The following HAX1 variants were observed in gnomAD, a reference collection of about 807,000 sequenced individuals.
The protein encoded by HAX1 is HCLS1-associated protein X-1.
HAX1 carries 27 observed loss-of-function variants against 31.1 expected under a neutral mutation model. That is an observed-to-expected ratio of 0.87 (90% CI 0.64 to 1.20). HAX1 has a LOEUF of 1.20. HAX1 is among the 50% of genes most tolerant of loss of function. The pLI, the probability that HAX1 is intolerant of heterozygous loss-of-function variation, is 0.00. For missense variants in HAX1, 357 were observed against 361.6 expected (o/e 0.99, Z 0.10); for synonymous variants, 114 against 124.1 (o/e 0.92, Z 0.54).
In HAX1 at chr1:154,275,383, C is replaced by T. The variant is rs369087332; in HGVS notation, c.664-10C>T. The T allele has an allele frequency of 2.5e-6, 4 of 1,612,834 alleles. No individual in the cohort carries two copies. In the African/African-American group the frequency reaches 5.3e-5, roughly 22 times the overall value. On this transcript the variant is annotated splice_polypyrimidine_tract_variant and intron_variant, in intron 5 of 6. Coordinates refer to ENST00000328703, the MANE Select transcript of HAX1 (RefSeq NM_006118.4). Reference sequence around the variant, plus strand: ...AACATTCGGAATATGGTGGGGACTTCTCTTTGTAGATAGTGGAGGAGCGCC... The same window carrying T: ...AACATTCGGAATATGGTGGGGACTTTTCTTTGTAGATAGTGGAGGAGCGCC...
rs1684904805 is a variant in HAX1, at chr1:154,275,153, G to C, written c.557-1G>C. 6.2e-7 allele frequency: 1 copy of C among 1,600,076 alleles called. No homozygotes were observed. The highest frequency in any genetic ancestry group is 1.1e-5 in the South Asian group (1 of 90,788). ...GCTTCTTCATCTCTCTGCTCTTCCA[G>C]ATCTTGATTCCCAGGTTTCCCAGGA... On this transcript the variant is annotated splice_acceptor_variant, in intron 4 of 6. Coordinates refer to ENST00000328703, the MANE Select transcript of HAX1 (RefSeq NM_006118.4). LOFTEE classifies it high-confidence loss of function.
chr1:154,273,407 G>T lies in HAX1; in HGVS notation c.125G>T (p.Gly42Val), dbSNP rs1001600867. ...GATGAGGAAGAAGAAGAAGAAGGGG[G>T]CTCATGGGGCCGTGGGAACCCAAGG... ...DDDEEEEEEGGSWGRGNPRFH... is the reference protein window; with the variant it reads ...DDDEEEEEEGVSWGRGNPRFH... Residue 42 changes from glycine (G) to valine (V), a missense_variant, in exon 2 of 7, where the codon GGC becomes GTC. Transcript: ENST00000328703. 6.2e-7 allele frequency: 1 copy of T among 1,613,808 alleles called. No individual in the cohort carries two copies. The highest frequency in any genetic ancestry group is 8.5e-7 in the Non-Finnish European group (1 of 1,179,760).
Position 154,275,488 on chromosome 1 carries a change from G to A in HAX1, c.754+5G>A, listed in dbSNP as rs1684914387. On this transcript the variant is annotated splice_donor_5th_base_variant and intron_variant, in intron 6 of 6. Coordinates refer to ENST00000328703, the MANE Select transcript of HAX1 (RefSeq NM_006118.4). ...CAGATAGCAGTCCTAGGGGTGGTAA[G>A]TTAAAAGACAAAGGGGTTCATCTCA... The A allele has an allele frequency of 6.2e-7, 1 of 1,612,162 alleles. No individual in the cohort carries two copies. The highest frequency in any genetic ancestry group is 1.1e-5 in the South Asian group (1 of 91,044).
At chr1:154,275,555 C>A in intron 6 of HAX1, 61 bp from the exon 7 acceptor site, 2 of 1,571,968 alleles carry the variant, frequency 1.3e-6, no homozygotes, top group African/African-American at 1.3e-5. Flanking sequence ...CTACCCTTGT[C>A]CTTTGCTTCT....
chr1:154,273,217 T>C, intron 1 of HAX1, 119 bp from the exon 2 acceptor site: 1 of 1,055,604 alleles, frequency 9.5e-7, no homozygotes. Flanking sequence ...CAGCCAGTCC[T>C]CCGACCCTCT....
Position 154,275,468 on chromosome 1 carries a change from A to T in HAX1, c.739A>T (p.Ser247Cys), listed in dbSNP as rs1267328653. 6.2e-7 allele frequency: 1 copy of T among 1,614,014 alleles called. No individual in the cohort carries two copies. Among genetic ancestry groups the T allele is most frequent in the Admixed American group, 1.7e-5 (1 of 60,028 alleles). Reference protein sequence around the residue: ...ETTVTRHEADSSPRGDPESPR... With the variant: ...ETTVTRHEADCSPRGDPESPR... ...TACAGTAACCCGACACGAAGCAGAT[A>T]GCAGTCCTAGGGGTGGTAAGTTAAA... The change falls in exon 6 of 7, where the codon AGC becomes TGC. Residue 247 changes from serine (S) to cysteine (C), a missense_variant. Physicochemically the swap from Ser to Cys is moderately radical, Grantham distance 112 (BLOSUM62 -1). Transcript: ENST00000328703.
chr1:154,273,224 C>T (rs1684847798), intron 1 of HAX1, 112 bp from the exon 2 acceptor site: 4 of 1,255,390 alleles, frequency 3.2e-6, no homozygotes, highest in Non-Finnish European at 3.4e-6. Flanking sequence ...TCCTCCGACC[C>T]TCTCCCTAGC....
chr1:154,273,741 C>T lies in HAX1; in HGVS notation c.317-33C>T, dbSNP rs147593581. 1,069 of 1,613,522 alleles carry T rather than the reference C, an allele frequency of 6.6e-4. 5 individuals are homozygous for T. In the African/African-American group the frequency reaches 0.012, roughly 18 times the overall value. The stretch of plus-strand genomic sequence containing the variant: ...AGATTAATAGAGCCCAAGTCCTTTC[C>T]CATCCCAGCAAACACCTGCCACCTT... On this transcript the variant is annotated intron_variant, in intron 2 of 6. Transcript: ENST00000328703.
intron 3 of HAX1, among the ~76,000 whole-genome samples, chr1:154,274,219 G>A (rs1028645962): frequency 6.6e-6 from 1 of 152,048 alleles, no homozygotes; most frequent in Non-Finnish European, 1.5e-5. Context: ...TGAGGCAGGA[G>A]AATTGGTTGA....
chr1:154,272,945 TAAG>T (rs1030735856), intron 1 of HAX1, 169 bp downstream of exon 1: 2 of 688,020 alleles, frequency 2.9e-6, no homozygotes, highest in African/African-American at 3.6e-5. Context: ...AGGCGGTCAT[TAAG>T]AGGAGAAACA....
At position 154,275,436 on chromosome 1, in the gene HAX1, C is replaced by G; in HGVS notation, c.707C>G (p.Thr236Arg). 6.2e-7 allele frequency: 1 copy of G among 1,614,120 alleles called. No homozygotes were observed. Among genetic ancestry groups the G allele is most frequent in the Non-Finnish European group, 8.5e-7 (1 of 1,180,004 alleles). ...RRTVVDSEGR[T>R]ETTVTRHEAD... ...ACTGTGGTGGACAGTGAGGGCCGGACAGAGACTACAGTAACCCGACACGAA... is the reference window on the plus strand; with the variant it reads ...ACTGTGGTGGACAGTGAGGGCCGGAGAGAGACTACAGTAACCCGACACGAA... The change falls in exon 6 of 7, where the codon ACA becomes AGA. Residue 236 changes from threonine to arginine, a missense_variant. Transcript: ENST00000328703.
chr1:154,272,888 G>C lies in HAX1; in HGVS notation c.53+112G>C, dbSNP rs2149138765. ...GTCCCACTCCTTCAACTCCTGCAGA[G>C]AGGACAGAAGTCGCAACATTGAACA... On this transcript the variant is annotated intron_variant, in intron 1 of 6. Transcript: ENST00000328703. 6 of 929,800 alleles carry C rather than the reference G, an allele frequency of 6.5e-6. No individual in the cohort carries two copies. In the East Asian group the frequency reaches 1.5e-4, roughly 23 times the overall value. 57.6% of individuals were successfully genotyped at this position (929,800 alleles called of 1,614,324 possible).
chr1:154,272,658 C>T lies in HAX1; in HGVS notation c.-66C>T, dbSNP rs1669702590. On this transcript the variant is annotated 5_prime_UTR_variant, in exon 1 of 7. Transcript: ENST00000328703. ...CCTCGCTCAATTTCTCACAGGGCTGCGCAGGTTTCCCCCGTCTGCGAATGG... is the reference window on the plus strand; with the variant it reads ...CCTCGCTCAATTTCTCACAGGGCTGTGCAGGTTTCCCCCGTCTGCGAATGG... 6.6e-7 allele frequency: 1 copy of T among 1,506,718 alleles called. No homozygotes were observed. Among genetic ancestry groups the T allele is most frequent in the South Asian group, 1.1e-5 (1 of 88,222 alleles). 93.3% of individuals were successfully genotyped at this position (1,506,718 alleles called of 1,614,324 possible). A position where few individuals can be genotyped will look rare whatever the true frequency, so the allele number is the denominator to read the frequency against.
intron 1 of HAX1, chr1:154,273,053 G>A: frequency 1.7e-6 from 1 of 601,368 alleles, no homozygotes; most frequent in Non-Finnish European, 2.9e-6. Context: ...GAGCAAGTGA[G>A]CAGGACCTTG....
intron 3 of HAX1, 79 bp downstream of exon 3, chr1:154,274,040 G>A (rs1440213745): frequency 2.3e-6 from 3 of 1,317,144 alleles, no homozygotes; most frequent in Non-Finnish European, 3.3e-6. Flanking sequence ...AGGTGCGGTG[G>A]CTCACGCCTG....
chr1:154,272,998 G>T, intron 1 of HAX1: 1 of 619,152 alleles, frequency 1.6e-6, no homozygotes, highest in East Asian at 2.7e-5. Context: ...GATGCAACAG[G>T]GACCCGGGCG....
At position 154,272,632 on chromosome 1, in the gene HAX1, G is replaced by A. The variant is rs529724144; in HGVS notation, c.-92G>A. On this transcript the variant is annotated 5_prime_UTR_variant, in exon 1 of 7. Coordinates refer to ENST00000328703, the MANE Select transcript of HAX1 (RefSeq NM_006118.4). ...TTGCTTTCCGGTAGCGTGGGCTGAC[G>A]CCTCGCTCAATTTCTCACAGGGCTG... 1.8e-5 allele frequency: 23 copies of A among 1,299,818 alleles called. No homozygotes were observed. The highest frequency in any genetic ancestry group is 1.1e-4 in the Admixed American group (6 of 54,672). 80.5% of individuals were successfully genotyped at this position (1,299,818 alleles called of 1,614,324 possible). A position where few individuals can be genotyped will look rare whatever the true frequency, so the allele number is the denominator to read the frequency against.
rs112446831 is a variant in HAX1, at chr1:154,272,804, G to T, written c.53+28G>T. 2.9e-4 allele frequency: 461 copies of T among 1,608,260 alleles called. No homozygotes were observed. In the African/African-American group the frequency reaches 5.2e-3, roughly 18 times the overall value. On this transcript the variant is annotated intron_variant, in intron 1 of 6. Transcript: ENST00000328703. ...GAGAGTAGGTCCGGCTCGGACAAGG[G>T]TGGGGGTCGTCTGAGGGGAGCTTGA...
Position 154,273,171 on chromosome 1 carries a change from A to AG in HAX1, c.54-164dup, listed in dbSNP as rs1491586384. ...TGATTAAAAAAAAAAAAAAAAAAAA[A>AG]GAACTGTCAGCCATTGTATTAATGT... On this transcript the variant is annotated intron_variant, in intron 1 of 6. Coordinates refer to ENST00000328703, the MANE Select transcript of HAX1 (RefSeq NM_006118.4). 3 of 678,530 alleles carry AG rather than the reference A, an allele frequency of 4.4e-6. No individual in the cohort carries two copies. The African/African-American group carries it at 5.5e-5, about 12-fold the overall frequency. 42.0% of individuals were successfully genotyped at this position (678,530 alleles called of 1,614,324 possible). A position where few individuals can be genotyped will look rare whatever the true frequency, so the allele number is the denominator to read the frequency against.
Sources: allele counts gnomAD v4.1 joint callset (sites outside exome capture counted in the v4.1 genomes callset), GRCh38; gene constraint gnomAD v4.1.1; transcripts MANE v1.5; gene names NCBI Gene and HGNC (gene_info 2026-07-23, HGNC 2026-07-21).